Variants in ESRRG observed in about 807,000 individuals in gnomAD.
ESRRG encodes the protein estrogen related receptor gamma, also known as estrogen-related receptor gamma.
ESRRG carries 13 observed loss-of-function variants against 44.0 expected under a neutral mutation model. That is an observed-to-expected ratio of 0.30 (90% CI 0.19 to 0.47). The LOEUF (loss-of-function observed/expected upper bound fraction) is 0.47, where lower values mean the gene tolerates loss of function less well. Ranked by LOEUF, ESRRG falls within the 20% of genes least tolerant of loss-of-function variation. The pLI, the probability that ESRRG is intolerant of heterozygous loss-of-function variation, is 1.00. For synonymous variants in ESRRG, 215 were observed against 214.6 expected, an observed-to-expected ratio of 1.00 and a Z score of -0.02; for missense variants, 395 against 580.6, an observed-to-expected ratio of 0.68 and a Z score of 3.29.
At chr1:217,061,865 A>G (rs1558157139) in intron 1 of ESRRG, among the ~76,000 whole-genome samples, 1 of 152,206 alleles carries the variant, frequency 6.6e-6, no homozygotes, top group Non-Finnish European at 1.5e-5. Context: ...TAAATATGTC[A>G]TCTATGTGCT....
At chr1:216,840,029 G>A (rs2095626906) in intron 2 of ESRRG, among the ~76,000 whole-genome samples, 2 of 152,128 alleles carry the variant, frequency 1.3e-5, no homozygotes, top group South Asian at 2.1e-4. Context: ...TCTAACAAGA[G>A]AGTCAGCTTG....
intron 2 of ESRRG, among the ~76,000 whole-genome samples, chr1:216,905,983 T>G (rs1219507166): frequency 6.6e-6 from 1 of 152,200 alleles, no homozygotes; most frequent in Non-Finnish European, 1.5e-5. Context: ...ATTTCTGACC[T>G]CAGGCAATCT....
chr1:216,875,296 C>T (rs2096332404), intron 2 of ESRRG, among the ~76,000 whole-genome samples: 1 of 152,026 alleles, frequency 6.6e-6, no homozygotes. Flanking sequence ...AATAATTATC[C>T]CAAAGTGAAC....
At chr1:216,523,343 A>G (rs554410557) in intron 5 of ESRRG, among the ~76,000 whole-genome samples, 1 of 152,116 alleles carries the variant, frequency 6.6e-6, no homozygotes, top group Non-Finnish European at 1.5e-5. Context: ...GAATAACATC[A>G]TTTGGAAGGA....
rs144522135 is a variant in ESRRG, at chr1:216,542,996, C to A, written c.862+21223G>T. 1.9e-3 allele frequency among the ~76,000 whole-genome samples: 294 copies of A among 152,058 alleles called. 1 individual carries two copies. Among genetic ancestry groups the A allele is most frequent in the Non-Finnish European group, 3.4e-3 (233 of 67,950 alleles). On this transcript the variant is annotated intron_variant, in intron 5 of 6. Transcript: ENST00000408911. ...GAACTGAGGGATTTAGTGGAAGAAC[C>A]AAAGAATGCTAAAAGTTCCACAAAA... is the stretch of plus-strand genomic sequence containing the variant.
At chr1:217,048,761 A>G (rs931304863) in intron 1 of ESRRG, among the ~76,000 whole-genome samples, 1 of 152,218 alleles carries the variant, frequency 6.6e-6, no homozygotes, top group Non-Finnish European at 1.5e-5. Context: ...CAGAGTAGCC[A>G]GAGAAAATGA....
At chr1:216,847,131 A>T (rs1577195750) in intron 2 of ESRRG, among the ~76,000 whole-genome samples, 1 of 152,054 alleles carries the variant, frequency 6.6e-6, no homozygotes, top group South Asian at 2.1e-4. Flanking sequence ...TAGGCCACAA[A>T]GGAGAGTTGA....
At chr1:216,853,521 C>G (rs2095871631) in intron 2 of ESRRG, among the ~76,000 whole-genome samples, 1 of 152,176 alleles carries the variant, frequency 6.6e-6, no homozygotes, top group African/African-American at 2.4e-5. Context: ...CTCCATTTTT[C>G]TGTTCTTTCA....
chr1:216,984,263 C>T (rs1420260644), intron 1 of ESRRG, among the ~76,000 whole-genome samples: 10 of 152,128 alleles, frequency 6.6e-5, no homozygotes, highest in Admixed American at 6.5e-5. Flanking sequence ...AATAAATCCT[C>T]GTGATCATTT....
intron 1 of ESRRG, among the ~76,000 whole-genome samples, chr1:217,048,776 T>A (rs11117760): frequency 6.6e-6 from 1 of 151,986 alleles, no homozygotes; most frequent in Non-Finnish European, 1.5e-5. Flanking sequence ...AAATGAAGAC[T>A]TCAACATTTT....
intron 2 of ESRRG, among the ~76,000 whole-genome samples, chr1:216,656,056 C>T (rs1008752527): frequency 6.6e-6 from 1 of 152,134 alleles, no homozygotes; most frequent in Non-Finnish European, 1.5e-5. Context: ...ACTTGTTTTC[C>T]TTCCATTCTC....
At chr1:216,902,702 A>G (rs1449879779) in intron 2 of ESRRG, among the ~76,000 whole-genome samples, 1 of 152,152 alleles carries the variant, frequency 6.6e-6, no homozygotes. Flanking sequence ...AGGAAGCATA[A>G]GAGCTTTTGA....
At chr1:216,888,612 C>T (rs909632768) in intron 2 of ESRRG, among the ~76,000 whole-genome samples, 1 of 152,116 alleles carries the variant, frequency 6.6e-6, no homozygotes, top group African/African-American at 2.4e-5. Context: ...CAGACTCTCA[C>T]CAATACCTAT....
At chr1:216,914,215 T>C (rs2149632606) in intron 2 of ESRRG, among the ~76,000 whole-genome samples, 1 of 152,218 alleles carries the variant, frequency 6.6e-6, no homozygotes, top group East Asian at 1.9e-4. Context: ...AGTTCTAATC[T>C]CAGCTCTGAC....
intron 2 of ESRRG, among the ~76,000 whole-genome samples, chr1:216,927,669 C>T (rs763457179): frequency 6.6e-6 from 1 of 152,234 alleles, no homozygotes; most frequent in African/African-American, 2.4e-5. Context: ...CCATAGGCCC[C>T]TCTCTGCAGG....
At chr1:216,749,145 A>ATT (rs1272009949) in intron 2 of ESRRG, among the ~76,000 whole-genome samples, 182 of 60,392 alleles carry the variant, frequency 3.0e-3, no homozygotes, top group Non-Finnish European at 6.3e-3. Context: ...AGGTGTCTAA[A>ATT]TATTTTTTTT....
intron 1 of ESRRG, among the ~76,000 whole-genome samples, chr1:217,029,173 T>C (rs2081658499): frequency 6.6e-6 from 1 of 152,222 alleles, no homozygotes; most frequent in African/African-American, 2.4e-5. Context: ...GAAATGCCCA[T>C]GGGCGAACAT....
At chr1:216,531,332 C>G (rs1052352728) in intron 5 of ESRRG, among the ~76,000 whole-genome samples, 1 of 152,082 alleles carries the variant, frequency 6.6e-6, no homozygotes, top group African/African-American at 2.4e-5. Flanking sequence ...AGTCAGGCTC[C>G]CACACTGTTT....
At chr1:216,654,797 C>G (rs974505976) in intron 2 of ESRRG, among the ~76,000 whole-genome samples, 35 of 151,672 alleles carry the variant, frequency 2.3e-4, no homozygotes, top group African/African-American at 8.2e-4. Flanking sequence ...ATTATATGTA[C>G]AGGAAATAAA....
Sources: allele counts gnomAD v4.1 joint callset (sites outside exome capture counted in the v4.1 genomes callset), GRCh38; gene constraint gnomAD v4.1.1; transcripts MANE v1.5; gene names NCBI Gene and HGNC (gene_info 2026-07-23, HGNC 2026-07-21).